PADI2: variants seen among roughly 807,000 people sequenced by gnomAD.
The protein encoded by PADI2 is protein-arginine deiminase type-2.
In PADI2, 70 loss-of-function variants were observed where a neutral mutation model predicts 81.1. The ratio of observed to expected loss-of-function variants is 0.86; its 90% CI spans 0.71 to 1.05. The LOEUF (loss-of-function observed/expected upper bound fraction) is 1.05, where lower values mean the gene tolerates loss of function less well. Ranked by LOEUF, PADI2 falls within the 50% of genes least tolerant of loss-of-function variation. PADI2 has a pLI of 0.00. For synonymous variants in PADI2, 338 were observed against 358.0 expected (o/e 0.94, Z 0.63); for missense variants, 853 against 889.9 (o/e 0.96, Z 0.53).
In PADI2 at chr1:17,069,142, C is replaced by T. The variant is rs1425315930; in HGVS notation, c.1900G>A (p.Asp634Asn). ...PLGLECTFIDDISAYHKFLGE... is the reference protein window; with the variant it reads ...PLGLECTFIDNISAYHKFLGE... ...AGAAATTTGTGGTAGGCAGAAATGT[C>T]GTCGATGAAGGTGCATTCGAGGCCC... Residue 634 changes from aspartate (D) to asparagine (N), a missense_variant, in exon 16 of 16, where the codon GAC (aspartate) becomes AAC (asparagine). By Grantham distance (23) the Asp-to-Asn change is conservative. Coordinates refer to ENST00000375486, the MANE Select transcript of PADI2 (RefSeq NM_007365.3). The T allele has an allele frequency of 2.5e-6, 4 of 1,614,022 alleles. No individual in the cohort carries two copies. Among genetic ancestry groups the T allele is most frequent in the Admixed American group, 1.7e-5 (1 of 59,998 alleles).
chr1:17,072,162 G>A (rs1032869985), intron 13 of PADI2, among the ~76,000 whole-genome samples: 1 of 152,366 alleles, frequency 6.6e-6, no homozygotes, highest in South Asian at 2.1e-4. Flanking sequence ...GCAAGCGGCA[G>A]AGTTGGTGTG....
At chr1:17,114,510 C>T (rs1412182761) in intron 1 of PADI2, among the ~76,000 whole-genome samples, 1 of 152,124 alleles carries the variant, frequency 6.6e-6, no homozygotes, top group Non-Finnish European at 1.5e-5. Context: ...TTGTACCTAA[C>T]TCATAAAGTT....
At chr1:17,073,943 G>A (rs2078282586) in intron 13 of PADI2, among the ~76,000 whole-genome samples, 1 of 152,178 alleles carries the variant, frequency 6.6e-6, no homozygotes, top group Admixed American at 6.5e-5. Context: ...CTTCTGGACT[G>A]ACAACCACGA....
chr1:17,077,978 C>A (rs2078316475), intron 11 of PADI2, among the ~76,000 whole-genome samples: 1 of 152,172 alleles, frequency 6.6e-6, no homozygotes, highest in Non-Finnish European at 1.5e-5. Flanking sequence ...TGGGGCAGGA[C>A]CACGTCTGCT....
At chr1:17,110,435 C>T (rs927333707) in intron 1 of PADI2, among the ~76,000 whole-genome samples, 5 of 152,090 alleles carry the variant, frequency 3.3e-5, no homozygotes, top group African/African-American at 7.2e-5. Flanking sequence ...ATGCACCTGC[C>T]CTTCTTGGCT....
chr1:17,103,514 A>G (rs142405144), intron 2 of PADI2, among the ~76,000 whole-genome samples: 1 of 152,300 alleles, frequency 6.6e-6, no homozygotes, highest in Non-Finnish European at 1.5e-5. Context: ...CAAATCACCC[A>G]TGGATGTTCA....
intron 7 of PADI2, among the ~76,000 whole-genome samples, chr1:17,085,478 C>G (rs1347084741): frequency 6.6e-6 from 1 of 152,170 alleles, no homozygotes; most frequent in African/African-American, 2.4e-5. Flanking sequence ...TCCCCGTCCC[C>G]TATCCTGTTA....
At position 17,067,258 on chromosome 1, in the gene PADI2, A is replaced by C. The variant is rs551640229; in HGVS notation, c.*1786T>G. 6.6e-6 allele frequency: 1 copy of C among 151,468 alleles called. No individual in the cohort carries two copies. The highest frequency in any genetic ancestry group is 1.5e-5 in the Non-Finnish European group (1 of 67,860). 9.4% of individuals were successfully genotyped at this position (151,468 alleles called of 1,614,324 possible). ...CCATAAACCCACATTAACCAAACAC[A>C]CACACACACATGACAAACTCTAAGT... On this transcript the variant is annotated 3_prime_UTR_variant, in exon 16 of 16. Coordinates refer to ENST00000375486, the MANE Select transcript of PADI2 (RefSeq NM_007365.3).
intron 13 of PADI2, among the ~76,000 whole-genome samples, 165 bp downstream of exon 13, chr1:17,074,691 A>G (rs1301320004): frequency 6.6e-6 from 1 of 152,212 alleles, no homozygotes; most frequent in Admixed American, 6.5e-5. Context: ...AGGAGGCCAG[A>G]GGTGCTTCCC....
In PADI2 at chr1:17,095,952, T is replaced by C. The variant is rs889167194; in HGVS notation, c.368A>G (p.Asp123Gly). The C allele has an allele frequency of 2.5e-6, 4 of 1,607,804 alleles. No individual in the cohort carries two copies. Among genetic ancestry groups the C allele is most frequent in the Non-Finnish European group, 3.4e-6 (4 of 1,177,106 alleles). Reference sequence around the variant, plus strand: ...CTCCACCACACCATCCCGGTCTGCGTCCACATCCAGGGAGATCTCTGGGGA... The same window carrying C: ...CTCCACCACACCATCCCGGTCTGCGCCCACATCCAGGGAGATCTCTGGGGA... ...LTAIEISLDVDADRDGVVEKN... is the reference protein window; with the variant it reads ...LTAIEISLDVGADRDGVVEKN... The change falls in exon 4 of 16, where the codon GAC becomes GGC. Residue 123 changes from aspartate to glycine, a missense_variant. Physicochemically the swap from Asp to Gly is moderately conservative, Grantham distance 94. Coordinates refer to ENST00000375486, the MANE Select transcript of PADI2 (RefSeq NM_007365.3).
At chr1:17,107,375 G>A (rs747638048) in intron 1 of PADI2, among the ~76,000 whole-genome samples, 10 of 152,192 alleles carry the variant, frequency 6.6e-5, no homozygotes, top group African/African-American at 9.7e-5. Flanking sequence ...TGCTGGGGCA[G>A]CTGAAGATGG....
Position 17,075,889 on chromosome 1 carries a change from T to A in PADI2, c.1311-66A>T. The A allele has an allele frequency of 8.5e-6, 13 of 1,526,190 alleles. No individual in the cohort carries two copies. In the South Asian group the frequency reaches 1.5e-4, roughly 17 times the overall value. 94.5% of individuals were successfully genotyped at this position (1,526,190 alleles called of 1,614,324 possible). On this transcript the variant is annotated intron_variant, in intron 11 of 15. Coordinates refer to ENST00000375486, the MANE Select transcript of PADI2 (RefSeq NM_007365.3). ...CGCACCAGAGGGCCTGCAAGAGGAG[T>A]TTGGTCTCTGGGACCCACCTCGGAC...
intron 11 of PADI2, among the ~76,000 whole-genome samples, chr1:17,077,142 C>T (rs1294311020): frequency 6.6e-6 from 1 of 152,172 alleles, no homozygotes; most frequent in African/African-American, 2.4e-5. Context: ...TACTTCTTAA[C>T]ATCCAAGCCT....
intron 4 of PADI2, 45 bp downstream of exon 4, chr1:17,095,864 G>A (rs780159549): frequency 7.3e-6 from 11 of 1,513,154 alleles, no homozygotes; most frequent in African/African-American, 2.7e-5. Context: ...CTGTGCCCTC[G>A]GAAGCCCTGG....
chr1:17,107,692 G>A (rs1332062499), intron 1 of PADI2, among the ~76,000 whole-genome samples: 4 of 152,248 alleles, frequency 2.6e-5, no homozygotes, highest in Non-Finnish European at 5.9e-5. Context: ...TGTAGAGGCT[G>A]CCGGGCAGTG....
At chr1:17,079,467 C>T (rs779704568) in intron 10 of PADI2, 52 bp from the exon 11 acceptor site, 6 of 1,492,792 alleles carry the variant, frequency 4.0e-6, no homozygotes, top group South Asian at 3.5e-5. Context: ...GGGTCCTCAG[C>T]CCCCAAGCCA....
chr1:17,096,437 T>C (rs1930935184), intron 3 of PADI2, among the ~76,000 whole-genome samples: 1 of 152,258 alleles, frequency 6.6e-6, no homozygotes, highest in Admixed American at 6.5e-5. Context: ...TACCCGGGCA[T>C]GCGCATAGGT....
chr1:17,089,795 T>C (rs1014832347), intron 6 of PADI2, among the ~76,000 whole-genome samples: 3 of 152,234 alleles, frequency 2.0e-5, no homozygotes, highest in Non-Finnish European at 4.4e-5. Context: ...GCCGCTCTAT[T>C]GAGTGGTCCT....
intron 4 of PADI2, 137 bp downstream of exon 4, chr1:17,095,772 T>C: frequency 4.8e-6 from 3 of 624,612 alleles, no homozygotes; most frequent in Non-Finnish European, 8.6e-6. Flanking sequence ...GGTTCCATCA[T>C]TGGTATGCTG....
Sources: allele counts gnomAD v4.1 joint callset (sites outside exome capture counted in the v4.1 genomes callset), GRCh38; gene constraint gnomAD v4.1.1; transcripts MANE v1.5; gene names NCBI Gene and HGNC (gene_info 2026-07-23, HGNC 2026-07-21).